Variants in FMN2 observed in about 807,000 individuals in gnomAD.
FMN2 encodes the protein formin 2.
A neutral mutation model predicts 142.3 loss-of-function variants in FMN2; 51 were observed. The observed-to-expected ratio is 0.36, with a 90% confidence interval of 0.29 to 0.45. The LOEUF (loss-of-function observed/expected upper bound fraction) is 0.45, where lower values mean the gene tolerates loss of function less well. Among genes scored for constraint, FMN2 ranks in the 20% least tolerant of loss-of-function variants. FMN2 has a pLI of 1.00. For missense variants in FMN2, 1,936 were observed against 2,122.8 expected (o/e 0.91, Z 1.73); for synonymous variants, 882 against 869.8 (o/e 1.01, Z -0.25).
chr1:240,232,000 A>G (rs528785438), intron 6 of FMN2, among the ~76,000 whole-genome samples: 1 of 152,240 alleles, frequency 6.6e-6, no homozygotes, highest in East Asian at 1.9e-4. Context: ...AGTATTACTT[A>G]TATTCTCTAC....
At chr1:240,152,456 GTGTGTGTA>G (rs1383025690) in intron 2 of FMN2, among the ~76,000 whole-genome samples, 1 of 152,152 alleles carries the variant, frequency 6.6e-6, no homozygotes, top group African/African-American at 2.4e-5. Flanking sequence ...GGAGGAGGAT[GTGTGTGTA>G]TGTGGGGGTG....
intron 15 of FMN2, among the ~76,000 whole-genome samples, chr1:240,396,713 T>G (rs1480053719): frequency 1.3e-5 from 2 of 152,194 alleles, no homozygotes; most frequent in African/African-American, 2.4e-5. Flanking sequence ...GTATTTGGTT[T>G]TCCGTTCTTG....
chr1:240,102,279 G>A (rs184120387), intron 1 of FMN2, among the ~76,000 whole-genome samples: 12 of 152,198 alleles, frequency 7.9e-5, no homozygotes, highest in Non-Finnish European at 1.6e-4. Flanking sequence ...GCTTGTTTGA[G>A]CCCATTAAGG....
intron 8 of FMN2, among the ~76,000 whole-genome samples, chr1:240,300,898 GTT>G (rs10693362): frequency 7.0e-6 from 1 of 142,704 alleles, no homozygotes; most frequent in Non-Finnish European, 1.5e-5. Context: ...CTGTGTGCAT[GTT>G]TTTTTTTTTT....
intron 8 of FMN2, among the ~76,000 whole-genome samples, chr1:240,309,835 G>T (rs1481517180): frequency 6.6e-6 from 1 of 152,180 alleles, no homozygotes; most frequent in African/African-American, 2.4e-5. Context: ...GGCACAGATG[G>T]TAGGGAGGGT....
At position 240,093,603 on chromosome 1, in the gene FMN2, C is replaced by G; in HGVS notation, c.1494C>G (p.Gly498=). The G allele has an allele frequency of 1.4e-6, 2 of 1,430,946 alleles. No individual in the cohort carries two copies. The highest frequency in any genetic ancestry group is 2.8e-5 in the East Asian group (1 of 36,316). The allele number at this position is 1,430,946 out of a possible 1,614,324, so 88.6% of individuals were successfully genotyped here. ...ELGARTPRVG[G]SAHLLERGVA... ...GCGCCCGCACGCCCCGGGTGGGAGG[C>G]TCCGCGCACCTGCTGGAGCGCGGGG... Residue 498 remains glycine (G), a synonymous_variant, in exon 1 of 18, where the codon GGC becomes GGG. Coordinates refer to ENST00000319653, the MANE Select transcript of FMN2 (RefSeq NM_020066.5).
At chr1:240,293,958 CA>C (rs1669879675) in intron 7 of FMN2, among the ~76,000 whole-genome samples, 1 of 152,062 alleles carries the variant, frequency 6.6e-6, no homozygotes, top group South Asian at 2.1e-4. Flanking sequence ...TGCCTCTTAT[CA>C]AAATAAATAT....
intron 14 of FMN2, among the ~76,000 whole-genome samples, chr1:240,364,420 C>T (rs1015860310): frequency 7.2e-5 from 11 of 152,070 alleles, no homozygotes; most frequent in African/African-American, 2.4e-4. Flanking sequence ...AACATTCATG[C>T]GGACACCGTG....
chr1:240,131,901 G>A (rs1662755563), intron 2 of FMN2, among the ~76,000 whole-genome samples: 1 of 152,122 alleles, frequency 6.6e-6, no homozygotes, highest in Non-Finnish European at 1.5e-5. Context: ...TAAACAGATT[G>A]GCATTTGTAA....
chr1:240,122,468 A>G (rs1179851551), intron 1 of FMN2, among the ~76,000 whole-genome samples: 2 of 152,062 alleles, frequency 1.3e-5, no homozygotes, highest in Non-Finnish European at 2.9e-5. Context: ...TTTTTAATAG[A>G]GACGGGGTTT....
At chr1:240,441,053 G>A (rs1675596767) in intron 16 of FMN2, among the ~76,000 whole-genome samples, 1 of 146,124 alleles carries the variant, frequency 6.8e-6, no homozygotes, top group African/African-American at 2.5e-5. Context: ...GGAGTGCGGT[G>A]GCGCGATCTT....
chr1:240,416,472 G>A (rs953140839), intron 15 of FMN2, among the ~76,000 whole-genome samples: 1 of 152,022 alleles, frequency 6.6e-6, no homozygotes, highest in Non-Finnish European at 1.5e-5. Flanking sequence ...GTTTCGCCAT[G>A]TTGGCCCGGC....
intron 15 of FMN2, chr1:240,400,794 C>T (rs1673954907): frequency 6.6e-6 from 1 of 151,996 alleles, no homozygotes. Context: ...TCTTTACTTC[C>T]CCCCGACCAC....
At chr1:240,179,881 A>G (rs1228242874) in intron 3 of FMN2, among the ~76,000 whole-genome samples, 1 of 152,166 alleles carries the variant, frequency 6.6e-6, no homozygotes, top group East Asian at 1.9e-4. Context: ...ATCATTCTCA[A>G]CTTTTCTAAC....
intron 7 of FMN2, among the ~76,000 whole-genome samples, chr1:240,260,030 A>G (rs752520051): frequency 9.9e-5 from 15 of 152,110 alleles, no homozygotes; most frequent in Non-Finnish European, 1.8e-4. Context: ...GAGTTACTTC[A>G]CTTAGAATAA....
chr1:240,232,850 C>T (rs1297891934), intron 6 of FMN2, among the ~76,000 whole-genome samples: 1 of 152,136 alleles, frequency 6.6e-6, no homozygotes, highest in Non-Finnish European at 1.5e-5. Context: ...CGCTAGGCCA[C>T]CCAGGACTTT....
chr1:240,241,825 CTTTTTTTTT>C (rs71567282), intron 6 of FMN2, among the ~76,000 whole-genome samples: 7 of 96,236 alleles, frequency 7.3e-5, no homozygotes, highest in South Asian at 3.5e-4. Flanking sequence ...GTGTGCCTTG[CTTTTTTTTT>C]TTTTTTTTTT....
intron 6 of FMN2, among the ~76,000 whole-genome samples, chr1:240,228,303 C>CAAAAAAAAAAAAAAAAAAAAAAAAAAA (rs577421634): frequency 4.8e-4 from 23 of 47,744 alleles, no homozygotes; most frequent in South Asian, 2.1e-3. Flanking sequence ...AACTCTGTCT[C>CAAAAAAAAAAAAAAAAAAAAAAAAAAA]AAAAAAAAAA....
chr1:240,241,555 G>A (rs924619022), intron 6 of FMN2, among the ~76,000 whole-genome samples: 1 of 152,100 alleles, frequency 6.6e-6, no homozygotes, highest in South Asian at 2.1e-4. Context: ...TGGTCTTTCA[G>A]CCATTTTTCA....
Sources: gnomAD v4.1 joint callset for allele counts (sites outside exome capture counted in the v4.1 genomes callset) on GRCh38, gnomAD v4.1.1 for gene constraint, MANE v1.5 for transcripts, NCBI Gene and HGNC (gene_info 2026-07-23, HGNC 2026-07-21) for gene names.